Variants in GLIS1 observed in about 807,000 individuals in gnomAD.
The protein encoded by GLIS1 is GLIS family zinc finger 1.
Under a neutral mutation model 63.8 loss-of-function variants are expected in GLIS1, and 24 were observed. The observed-to-expected ratio is 0.38, with a 90% CI of 0.27 to 0.53. The LOEUF is 0.53. GLIS1 is among the 20% of genes least tolerant of loss of function. GLIS1 has a pLI of 0.85. For synonymous variants in GLIS1, 450 were observed against 482.5 expected (o/e 0.93, Z 0.88); for missense variants, 1,036 against 1,074.1 (o/e 0.96, Z 0.50).
intron 2 of GLIS1, among the ~76,000 whole-genome samples, chr1:53,709,411 T>TACACACACAC (rs57887584): frequency 5.4e-4 from 8 of 14,900 alleles, no homozygotes; most frequent in African/African-American, 6.8e-4. Flanking sequence ...CATATATATA[T>TACACACACAC]ACACACACAC....
rs751269747 is a variant in GLIS1, at chr1:53,546,180, A to T, written c.1321-16228T>A. On this transcript the variant is annotated intron_variant, in intron 4 of 10. Coordinates refer to ENST00000628545, the MANE Select transcript of GLIS1 (RefSeq NM_001367484.1). ...CCTGTTTCACACATGATGGCCAGGGACGCCTGAGGAGGCAGGGGGCTGGTG... is the reference window on the plus strand; with the variant it reads ...CCTGTTTCACACATGATGGCCAGGGTCGCCTGAGGAGGCAGGGGGCTGGTG... Among the ~76,000 whole-genome samples the T allele has an allele frequency of 3.1e-4, 47 of 152,338 alleles. 1 individual carries two copies. Among genetic ancestry groups the T allele is most frequent in the Non-Finnish European group, 4.9e-4 (33 of 68,026 alleles).
intron 4 of GLIS1, among the ~76,000 whole-genome samples, chr1:53,589,905 A>G (rs1412960994): frequency 6.6e-6 from 1 of 152,198 alleles, no homozygotes; most frequent in Non-Finnish European, 1.5e-5. Flanking sequence ...CCTGGTAGAT[A>G]TCGAATGGCA....
intron 2 of GLIS1, among the ~76,000 whole-genome samples, chr1:53,602,994 G>C (rs947173451): frequency 3.3e-5 from 5 of 152,338 alleles, no homozygotes; most frequent in Admixed American, 2.6e-4. Context: ...GGCTCAGAAT[G>C]GTCAAAGCAG....
rs747702745 is a variant in GLIS1, at chr1:53,707,741, T to C, written c.259+30065A>G. Among the ~76,000 whole-genome samples, 4 of 151,842 alleles carry C rather than the reference T, an allele frequency of 2.6e-5. No individual in the cohort carries two copies. The South Asian group carries it at 6.2e-4, about 24-fold the overall frequency. On this transcript the variant is annotated intron_variant, in intron 2 of 10. Coordinates refer to ENST00000628545, the MANE Select transcript of GLIS1 (RefSeq NM_001367484.1). The stretch of plus-strand genomic sequence containing the variant: ...TTTACTATCTTATCTTTTGTACAGA[T>C]AGGGTCTCAGTATGTTGCCCAGGCT...
chr1:53,559,913 C>T (rs1644869477), intron 4 of GLIS1, among the ~76,000 whole-genome samples: 1 of 152,010 alleles, frequency 6.6e-6, no homozygotes, highest in African/African-American at 2.4e-5. Flanking sequence ...CACATATGCT[C>T]ACACACACAC....
intron 6 of GLIS1, among the ~76,000 whole-genome samples, chr1:53,522,986 C>CTTTTT (rs1553120127): frequency 3.9e-4 from 17 of 43,684 alleles, no homozygotes; most frequent in African/African-American, 7.5e-4. Flanking sequence ...TCTTTTCTTT[C>CTTTTT]TTTTTTTTTT....
intron 2 of GLIS1, among the ~76,000 whole-genome samples, chr1:53,638,106 T>C (rs994362905): frequency 8.5e-5 from 13 of 152,122 alleles, no homozygotes; most frequent in Non-Finnish European, 2.9e-5. Flanking sequence ...GAGCCACACA[T>C]GTGGTGGGGA....
intron 2 of GLIS1, among the ~76,000 whole-genome samples, chr1:53,633,291 A>AG (rs1344827164): frequency 3.2e-5 from 4 of 123,090 alleles, no homozygotes; most frequent in African/African-American, 1.3e-4. Context: ...AGTGTGGCTG[A>AG]GGGGCGTGTG....
At position 53,690,726 on chromosome 1, in the gene GLIS1, G is replaced by A. The variant is rs1157280140; in HGVS notation, c.259+47080C>T. On this transcript the variant is annotated intron_variant, in intron 2 of 10. Coordinates refer to ENST00000628545, the MANE Select transcript of GLIS1 (RefSeq NM_001367484.1). ...CAGGACATTTGAACTGGCCTTAACA[G>A]ACAGAGAAGGAGGAAAGGGCATTCC... 3.3e-5 allele frequency among the ~76,000 whole-genome samples: 5 copies of A among 152,212 alleles called. No homozygotes were observed. In the East Asian group the frequency reaches 9.6e-4, roughly 29 times the overall value.
In GLIS1 at chr1:53,526,767, G is replaced by A. The variant is rs1396755387; in HGVS notation, c.1483-1880C>T. On this transcript the variant is annotated intron_variant, in intron 5 of 10. Coordinates refer to ENST00000628545, the MANE Select transcript of GLIS1 (RefSeq NM_001367484.1). This position sits in a 1 kb window ranked among gnomAD's most constrained non-coding sequence, Gnocchi z 4.4. ...TCTGCCGGCACATTCGCCTGGAAACGGGCGGCAAGGCCCATCTCTGTGTTT... is the reference window on the plus strand; with the variant it reads ...TCTGCCGGCACATTCGCCTGGAAACAGGCGGCAAGGCCCATCTCTGTGTTT... 6.6e-6 allele frequency among the ~76,000 whole-genome samples: 1 copy of A among 152,240 alleles called. No homozygotes were observed. Among genetic ancestry groups the A allele is most frequent in the Non-Finnish European group, 1.5e-5 (1 of 68,042 alleles).
chr1:53,734,169 T>C (rs1646891484), intron 2 of GLIS1: 27 of 985,390 alleles, frequency 2.7e-5, no homozygotes, highest in Non-Finnish European at 3.1e-5. Context: ...AACCTCTTTT[T>C]TATTGCAAGG....
chr1:53,697,276 C>T (rs562235755), intron 2 of GLIS1, among the ~76,000 whole-genome samples: 53 of 152,356 alleles, frequency 3.5e-4, no homozygotes, highest in African/African-American at 1.2e-3. Flanking sequence ...AGAGACTCCC[C>T]CTGCCTACTG....
chr1:53,537,534 G>A (rs12738941), intron 4 of GLIS1, among the ~76,000 whole-genome samples: 39,192 of 152,122 alleles, frequency 0.26, 6,120 homozygotes, highest in Non-Finnish European at 0.34. Context: ...GGCTAGTCAC[G>A]CCTCATTTCT....
At chr1:53,553,127 T>C (rs1365690324) in intron 4 of GLIS1, among the ~76,000 whole-genome samples, 1 of 152,170 alleles carries the variant, frequency 6.6e-6, no homozygotes, top group African/African-American at 2.4e-5. Flanking sequence ...GTCCGGAAGA[T>C]GTAGATGAAC....
In GLIS1 at chr1:53,594,669, G is replaced by A. The variant is rs146521882; in HGVS notation, c.759C>T (p.Ser253=). The change falls in exon 4 of 11, where the codon TCC becomes TCT. Residue 253 remains serine, a synonymous_variant. Transcript: ENST00000628545. ...TGACGTCGGAGGAGGCACAGGGTGA[G>A]GAGGAGGCTGGGGAGGTGGGGGGTA... ...LGLPPTSPAS[S]SPCASSDVTS... 4.5e-3 allele frequency: 7,042 copies of A among 1,554,954 alleles called. 18 individuals carry two copies. The highest frequency in any genetic ancestry group is 5.4e-3 in the Non-Finnish European group (6,245 of 1,148,000).
chr1:53,534,808 G>A (rs1644566514), intron 4 of GLIS1, among the ~76,000 whole-genome samples: 1 of 152,112 alleles, frequency 6.6e-6, no homozygotes, highest in Non-Finnish European at 1.5e-5. Flanking sequence ...GCCTGGCAGT[G>A]TGCTCTGAGC....
intron 2 of GLIS1, among the ~76,000 whole-genome samples, chr1:53,730,215 T>A (rs550029440): frequency 6.6e-6 from 1 of 152,258 alleles, no homozygotes; most frequent in Admixed American, 6.5e-5. Context: ...CTCTGCTTGC[T>A]AGGACAAAAG....
At chr1:53,516,802 CA>C (rs568649903) in intron 7 of GLIS1, among the ~76,000 whole-genome samples, 28 of 140,546 alleles carry the variant, frequency 2.0e-4, no homozygotes, top group East Asian at 1.7e-3. Flanking sequence ...GACTCCATCT[CA>C]AAAAAAAAAA....
chr1:53,547,935 T>C (rs1644721142), intron 4 of GLIS1, among the ~76,000 whole-genome samples: 1 of 152,246 alleles, frequency 6.6e-6, no homozygotes, highest in Non-Finnish European at 1.5e-5. Flanking sequence ...ACTTGGTTTT[T>C]TCATCTGTGC....
Sources: gnomAD v4.1 joint callset for allele counts (sites outside exome capture counted in the v4.1 genomes callset) on GRCh38, gnomAD v4.1.1 for gene constraint, Gnocchi (gnomAD v3.1) non-coding constraint, MANE v1.5 for transcripts, NCBI Gene and HGNC (gene_info 2026-07-23, HGNC 2026-07-21) for gene names.